Variants in FOXP2 observed in about 807,000 individuals in gnomAD.
FOXP2 encodes forkhead box P2, also known as forkhead box protein P2.
A neutral mutation model predicts 115.8 loss-of-function variants in FOXP2; 12 were observed. The ratio of observed to expected loss-of-function variants is 0.10; its 90% confidence interval spans 0.07 to 0.17. The LOEUF (loss-of-function observed/expected upper bound fraction) is 0.17. Ranked by LOEUF, FOXP2 falls within the 10% of genes least tolerant of loss-of-function variation. The pLI is 1.00. For synonymous variants in FOXP2, 328 were observed against 297.7 expected (o/e 1.10, Z -1.05); for missense variants, 629 against 843.5 (o/e 0.75, Z 3.15).
chr7:114,294,465 C>T (rs1198433649), intron 2 of FOXP2, among the ~76,000 whole-genome samples: 2 of 152,092 alleles, frequency 1.3e-5, no homozygotes, highest in Middle Eastern at 3.4e-3. Context: ...GCATTGAGCT[C>T]ACTAGAAAAA....
At chr7:114,235,765 G>A (rs1287866615) in intron 1 of FOXP2, among the ~76,000 whole-genome samples, 1 of 152,080 alleles carries the variant, frequency 6.6e-6, no homozygotes, top group Non-Finnish European at 1.5e-5. Context: ...TTTGGCTGGT[G>A]GGACTCTTAC....
chr7:114,419,482 G>T (rs1407883403), intron 1 of FOXP2, among the ~76,000 whole-genome samples: 4 of 151,768 alleles, frequency 2.6e-5, no homozygotes, highest in Non-Finnish European at 5.9e-5. Context: ...CACACTTGAT[G>T]CCAGAGTATA....
chr7:114,309,144 G>A (rs1457471662), intron 2 of FOXP2, among the ~76,000 whole-genome samples: 3 of 152,138 alleles, frequency 2.0e-5, no homozygotes, highest in Non-Finnish European at 1.5e-5. Context: ...TAAAGACAAT[G>A]TATCCTTCTG....
At chr7:114,229,094 G>T in intron 1 of FOXP2, among the ~76,000 whole-genome samples, 1 of 150,930 alleles carries the variant, frequency 6.6e-6, no homozygotes, top group East Asian at 1.9e-4. Context: ...AGACAGCAAA[G>T]GTAGATATAC....
chr7:114,560,805 G>A (rs1170987316), intron 3 of FOXP2, among the ~76,000 whole-genome samples: 1 of 152,144 alleles, frequency 6.6e-6, no homozygotes, highest in Admixed American at 6.5e-5. Flanking sequence ...AATTTTGACA[G>A]TATGATTATT....
chr7:114,293,072 T>G (rs147397608), intron 2 of FOXP2, among the ~76,000 whole-genome samples: 2,504 of 152,274 alleles, frequency 0.016, 39 homozygotes, highest in Middle Eastern at 0.027. Flanking sequence ...TCCAGAGGGA[T>G]AGCTGTGGTA....
intron 1 of FOXP2, among the ~76,000 whole-genome samples, chr7:114,095,257 C>A (rs1799621190): frequency 6.6e-6 from 1 of 152,022 alleles, no homozygotes; most frequent in Admixed American, 6.6e-5. Context: ...TAAATTACTT[C>A]CAATTAAAAC....
chr7:114,370,333 T>C (rs1791973664), intron 2 of FOXP2, among the ~76,000 whole-genome samples: 1 of 152,190 alleles, frequency 6.6e-6, no homozygotes, highest in African/African-American at 2.4e-5. Context: ...CCAATCCCTC[T>C]CTGAAGCAAA....
chr7:114,091,234 A>T (rs1584473111), intron 1 of FOXP2, among the ~76,000 whole-genome samples: 1 of 151,896 alleles, frequency 6.6e-6, no homozygotes, highest in African/African-American at 2.4e-5. Context: ...GCTGTGGTGA[A>T]GCATAAAGAA....
chr7:114,184,039 AT>A (rs1348062427), intron 1 of FOXP2, among the ~76,000 whole-genome samples: 1 of 152,142 alleles, frequency 6.6e-6, no homozygotes, highest in Admixed American at 6.6e-5. Flanking sequence ...ACTTTTTAAG[AT>A]TTGTTACTTT....
chr7:114,410,826 C>T (rs755237482), upstream of FOXP2, among the ~76,000 whole-genome samples: 1 of 151,692 alleles, frequency 6.6e-6, no homozygotes, highest in Non-Finnish European at 1.5e-5. Context: ...CTCAATAATA[C>T]TGTTGGAGTG....
At chr7:114,196,554 T>C (rs1584538390) in intron 1 of FOXP2, among the ~76,000 whole-genome samples, 1 of 152,218 alleles carries the variant, frequency 6.6e-6, no homozygotes, top group East Asian at 1.9e-4. Context: ...TGTGTGTTTG[T>C]GTAAAATGCA....
At chr7:114,468,852 T>C (rs1795922553) in intron 2 of FOXP2, among the ~76,000 whole-genome samples, 1 of 152,116 alleles carries the variant, frequency 6.6e-6, no homozygotes, top group East Asian at 1.9e-4. Context: ...GAATCTGACA[T>C]GTAATAAGTG....
rs1222751751 is a variant in FOXP2 at position 114,327,506 on chromosome 7, CT to C, written c.-11+39409del. On this transcript the variant is annotated intron_variant, in intron 2 of 17. Transcript: ENST00000634411. ...TAACAGTTATTTTACTTTGTGTTTT[CT>C]TTTTTTTTTTTCAAGATGGAGTCTT... 3.4e-3 allele frequency among the ~76,000 whole-genome samples: 484 copies of C among 142,546 alleles called. 1 individual carries two copies. Among genetic ancestry groups the C allele is most frequent in the African/African-American group, 0.01 (405 of 38,952 alleles). The allele number at this position is 142,546 out of a possible 152,430, so 93.5% of individuals were successfully genotyped here. A position where few individuals can be genotyped will look rare whatever the true frequency, so the allele number is the denominator to read the frequency against.
chr7:114,482,562 T>G (rs536605581), intron 2 of FOXP2, among the ~76,000 whole-genome samples: 1 of 151,674 alleles, frequency 6.6e-6, no homozygotes, highest in East Asian at 1.9e-4. Context: ...ACATTCTCAG[T>G]AGTTTGTTTC....
intron 1 of FOXP2, among the ~76,000 whole-genome samples, chr7:114,278,566 C>T (rs752701188): frequency 1.3e-5 from 2 of 152,118 alleles, no homozygotes; most frequent in African/African-American, 2.4e-5. Context: ...GTTGGCCAGG[C>T]TGGTCTTGAA....
intron 2 of FOXP2, among the ~76,000 whole-genome samples, chr7:114,492,488 T>C (rs1269532328): frequency 6.6e-6 from 1 of 152,182 alleles, no homozygotes; most frequent in Admixed American, 6.6e-5. Flanking sequence ...TCTCTAGTTC[T>C]TTTAATTGTG....
intron 2 of FOXP2, among the ~76,000 whole-genome samples, chr7:114,344,541 G>T (rs766623714): frequency 9.2e-5 from 14 of 151,918 alleles, no homozygotes; most frequent in African/African-American, 3.4e-4. Context: ...GTAATCTGGG[G>T]TTTAGTGCCA....
chr7:114,408,562 A>G (rs1793090849), intron 2 of FOXP2, among the ~76,000 whole-genome samples: 2 of 152,040 alleles, frequency 1.3e-5, no homozygotes, highest in South Asian at 4.1e-4. Flanking sequence ...CCCTGTCTCT[A>G]CGAAAAATAC....
Sources: gnomAD v4.1 joint callset for allele counts (sites outside exome capture counted in the v4.1 genomes callset) on GRCh38, gnomAD v4.1.1 for gene constraint, MANE v1.5 for transcripts, NCBI Gene and HGNC (gene_info 2026-07-23, HGNC 2026-07-21) for gene names.